DVL2: variants seen among roughly 807,000 people sequenced by gnomAD.
DVL2 encodes dishevelled segment polarity protein 2.
Under a neutral mutation model 69.8 loss-of-function variants are expected in DVL2, and 38 were observed. The observed-to-expected ratio is 0.54, with a 90% confidence interval of 0.42 to 0.71. DVL2 has a LOEUF of 0.71. DVL2 is among the 30% of genes least tolerant of loss of function. The pLI, the probability that DVL2 is intolerant of heterozygous loss-of-function variation, is 0.00. For missense variants in DVL2, 931 were observed against 1,008.1 expected, an observed-to-expected ratio of 0.92 and a Z score of 1.04; for synonymous variants, 428 against 392.4, an observed-to-expected ratio of 1.09 and a Z score of -1.07.
At position 7,229,053 on chromosome 17, in the gene DVL2, C is replaced by T; in HGVS notation, c.958-8G>A. On this transcript the variant is annotated splice_polypyrimidine_tract_variant and splice_region_variant and intron_variant, in intron 8 of 14. Transcript: ENST00000005340. The surrounding 1 kb of genome is among the most constrained non-coding windows in gnomAD (Gnocchi z 4.4). ...AAAGTTCATGTCATTCACCTGGAAG[C>T]GACGGCAAGTGGGTCAGAGACACGG... The T allele has an allele frequency of 3.7e-6, 6 of 1,614,142 alleles. No homozygotes were observed. Among genetic ancestry groups the T allele is most frequent in the East Asian group, 4.5e-5 (2 of 44,878 alleles).
At chr17:7,230,648 G>A (rs2071528888) in intron 2 of DVL2, 80 bp downstream of exon 2, 20 of 1,464,134 alleles carry the variant, frequency 1.4e-5, no homozygotes, top group Non-Finnish European at 1.8e-5. Flanking sequence ...GCGGCCTGGG[G>A]AGGATACAGA....
intron 1 of DVL2, among the ~76,000 whole-genome samples, chr17:7,233,761 A>G (rs1035887857): frequency 6.6e-6 from 1 of 152,200 alleles, no homozygotes; most frequent in African/African-American, 2.4e-5. Context: ...CTAAACAACC[A>G]GACAATGGAT....
chr17:7,228,530 T>C (rs2071492780), intron 9 of DVL2: 1 of 186,636 alleles, frequency 5.4e-6, no homozygotes. Context: ...TACTCTAGTA[T>C]TATTTGCTAT....
At position 7,229,021 on chromosome 17, in the gene DVL2, T is replaced by C. The variant is rs1255987739; in HGVS notation, c.982A>G (p.Met328Val). ...LQVNDMNFENMSNDDAVRVLR... is the reference protein window; with the variant it reads ...LQVNDMNFENVSNDDAVRVLR... Reference sequence around the variant, plus strand: ...ACCCGCACAGCGTCATCGTTGCTCATGTTCTCAAAGTTCATGTCATTCACC... The same window carrying C: ...ACCCGCACAGCGTCATCGTTGCTCACGTTCTCAAAGTTCATGTCATTCACC... Residue 328 changes from methionine (M) to valine (V), a missense_variant, in exon 9 of 15, where the codon ATG (methionine) becomes GTG (valine). Physicochemically the swap from Met to Val is conservative, Grantham distance 21. Coordinates refer to ENST00000005340, the MANE Select transcript of DVL2 (RefSeq NM_004422.3). The surrounding 1 kb of genome is among the most constrained non-coding windows in gnomAD (Gnocchi z 4.4). 2 of 1,614,188 alleles carry C rather than the reference T, an allele frequency of 1.2e-6. No individual in the cohort carries two copies. The highest frequency in any genetic ancestry group is 1.1e-5 in the South Asian group (1 of 91,086).
At position 7,229,137 on chromosome 17, in the gene DVL2, G is replaced by A; in HGVS notation, c.955C>T (p.Gln319Ter). ...TCAGTGGCCCTACCCCAGCACACCT[G>A]CAAAAGCATGTCCCCTGGCTCAATG... ...GRIEPGDMLL[Q>*]VNDMNFENMS... The change falls in exon 8 of 15, where the codon CAG becomes TAG. Residue 319 changes from glutamine (Q) to a stop codon, truncating the protein, a stop_gained and splice_region_variant. Coordinates refer to ENST00000005340, the MANE Select transcript of DVL2 (RefSeq NM_004422.3). LOFTEE classifies it high-confidence loss of function. This position sits in a 1 kb window ranked among gnomAD's most constrained non-coding sequence, Gnocchi z 4.4. 2 of 1,613,990 alleles carry A rather than the reference G, an allele frequency of 1.2e-6. No homozygotes were observed. The highest frequency in any genetic ancestry group is 1.7e-6 in the Non-Finnish European group (2 of 1,179,886).
rs200445258 is a variant in DVL2 at position 7,226,182 on chromosome 17, G to A, written c.1894C>T (p.Arg632Trp). The A allele has an allele frequency of 7.0e-5, 113 of 1,612,206 alleles. No homozygotes were observed. The highest frequency in any genetic ancestry group is 2.5e-4 in the East Asian group (11 of 44,862). ...SEPSSRGGSLRRGGEASGTSD... is the reference protein window; with the variant it reads ...SEPSSRGGSLWRGGEASGTSD... The stretch of plus-strand genomic sequence containing the variant: ...GTCCCACTTGCTTCCCCACCCCGCC[G>A]AAGGCTGCCCCCTCGGCTGGAGGGC... Residue 632 changes from arginine (R) to tryptophan (W), a missense_variant, in exon 15 of 15, where the codon CGG becomes TGG. Arg to Trp is a moderately radical substitution (Grantham distance 101, BLOSUM62 -3). Around this residue, in one of 3 missense-constraint regions of DVL2, gnomAD observed 314 missense variants for 313.7 expected, o/e 1.00. Coordinates refer to ENST00000005340, the MANE Select transcript of DVL2 (RefSeq NM_004422.3).
intron 1 of DVL2, chr17:7,233,799 T>TC (rs1357864790): frequency 2.0e-5 from 11 of 542,936 alleles, no homozygotes; most frequent in African/African-American, 1.7e-4. Context: ...ACTAGAATAC[T>TC]CCAACATAAA....
chr17:7,227,915 G>T, intron 10 of DVL2, 62 bp downstream of exon 10: 3 of 1,569,696 alleles, frequency 1.9e-6, no homozygotes, highest in Non-Finnish European at 2.6e-6. Context: ...CCACAGGCCC[G>T]GCCCCAGCCT....
rs140761538 is a variant in DVL2, at chr17:7,229,888, G to A, written c.576C>T (p.Tyr192=). Residue 192 remains tyrosine (Y), a synonymous_variant, in exon 5 of 15, where the codon TAC becomes TAT. Coordinates refer to ENST00000005340, the MANE Select transcript of DVL2 (RefSeq NM_004422.3). This position sits in a 1 kb window ranked among gnomAD's most constrained non-coding sequence, Gnocchi z 4.4. ...PSRLERHLAG[Y]ESSSTLMTSE... ...TGGTCATGAGGGTAGAGGAGCTCTC[G>A]TATCCGGCCAGGTGGCGCTCCAGCC... is the stretch of plus-strand genomic sequence containing the variant. 10 of 1,610,728 alleles carry A rather than the reference G, an allele frequency of 6.2e-6. No individual in the cohort carries two copies. The East Asian group carries it at 6.7e-5, about 11-fold the overall frequency.
At chr17:7,230,566 G>C in intron 2 of DVL2, 136 bp from the exon 3 acceptor site, 1 of 1,367,514 alleles carries the variant, frequency 7.3e-7, no homozygotes, top group African/African-American at 1.5e-5. Flanking sequence ...AGAGACTCCA[G>C]AAGGAGAAGG....
In DVL2 at chr17:7,229,153, T is replaced by C. The variant is rs575949608; in HGVS notation, c.939A>G (p.Pro313=). 5.0e-6 allele frequency: 8 copies of C among 1,614,166 alleles called. No individual in the cohort carries two copies. In the East Asian group the frequency reaches 1.3e-4, roughly 27 times the overall value. The change falls in exon 8 of 15, where the codon CCA becomes CCG. Residue 313 remains proline (P), a synonymous_variant. Transcript: ENST00000005340. The surrounding 1 kb of genome is among the most constrained non-coding windows in gnomAD (Gnocchi z 4.4). ...AGCACACCTGCAAAAGCATGTCCCC[T>C]GGCTCAATGCGCCCGTCGGCCGCCA... is the stretch of plus-strand genomic sequence containing the variant. ...GAVAADGRIE[P]GDMLLQVNDM...
intron 11 of DVL2, 53 bp from the exon 12 acceptor site, chr17:7,227,588 A>AATGGATCAG (rs2071477306): frequency 1.2e-6 from 2 of 1,613,390 alleles, no homozygotes; most frequent in African/African-American, 1.3e-5. Context: ...CCACAAGGGC[A>AATGGATCAG]ATGGATCAGA....
At position 7,234,308 on chromosome 17, in the gene DVL2, T is replaced by A. The variant is rs377256967; in HGVS notation, c.-46A>T. 96 of 1,574,702 alleles carry A rather than the reference T, an allele frequency of 6.1e-5. No homozygotes were observed. Among genetic ancestry groups the A allele is most frequent in the Non-Finnish European group, 7.8e-5 (90 of 1,160,818 alleles). On this transcript the variant is annotated 5_prime_UTR_variant, in exon 1 of 15. Coordinates refer to ENST00000005340, the MANE Select transcript of DVL2 (RefSeq NM_004422.3). Reference sequence around the variant, plus strand: ...GGGCTCCACCGCCCACCCAAAGGGCTAATGGCCCCTGCCGCGCCTGCGCAC... The same window carrying A: ...GGGCTCCACCGCCCACCCAAAGGGCAAATGGCCCCTGCCGCGCCTGCGCAC...
At chr17:7,226,848 C>A in intron 13 of DVL2, 1 of 626,194 alleles carries the variant, frequency 1.6e-6, no homozygotes, top group Non-Finnish European at 2.7e-6. Flanking sequence ...CTTTGCGGGA[C>A]TCAGGTAAGA....
At position 7,226,094 on chromosome 17, in the gene DVL2, T is replaced by G. The variant is rs2071440407; in HGVS notation, c.1982A>C (p.His661Pro). ...CGGTCCATAGGGATGGAGCCCTGGG[T>G]GGGCTCGGAGATTAGGGGCACCCCC... ...STGGAPNLRA[H>P]PGLHPYGPPP... The change falls in exon 15 of 15, where the codon CAC becomes CCC. Residue 661 changes from histidine to proline, a missense_variant. By Grantham distance (77) the His-to-Pro change is moderately conservative. This residue lies in a region of DVL2 where 314 missense variants were observed against 313.7 expected (regional missense o/e 1.00). Coordinates refer to ENST00000005340, the MANE Select transcript of DVL2 (RefSeq NM_004422.3). 1 of 1,593,910 alleles carries G rather than the reference T, an allele frequency of 6.3e-7. No homozygotes were observed. The highest frequency in any genetic ancestry group is 8.6e-7 in the Non-Finnish European group (1 of 1,168,696).
At position 7,225,467 on chromosome 17, in the gene DVL2, G is replaced by C. The variant is rs557641177; in HGVS notation, c.*398C>G. ...GCTGCTGTCTAGGATGCCTAACCCC[G>C]GGGTACCGCTGACCACCCCCAACCC... is the stretch of plus-strand genomic sequence containing the variant. On this transcript the variant is annotated 3_prime_UTR_variant, in exon 15 of 15. Coordinates refer to ENST00000005340, the MANE Select transcript of DVL2 (RefSeq NM_004422.3). The C allele has an allele frequency of 4.7e-6, 2 of 429,992 alleles. No individual in the cohort carries two copies. The highest frequency in any genetic ancestry group is 2.0e-5 in the African/African-American group (1 of 49,878). 26.6% of individuals were successfully genotyped at this position (429,992 alleles called of 1,614,324 possible).
Position 7,229,041 on chromosome 17 carries a change from T to C in DVL2, c.962A>G (p.Asn321Ser). 1 of 1,614,146 alleles carries C rather than the reference T, an allele frequency of 6.2e-7. No individual in the cohort carries two copies. The highest frequency in any genetic ancestry group is 1.1e-5 in the South Asian group (1 of 91,080). The stretch of plus-strand genomic sequence containing the variant: ...GCTCATGTTCTCAAAGTTCATGTCA[T>C]TCACCTGGAAGCGACGGCAAGTGGG... Reference protein sequence around the residue: ...IEPGDMLLQVNDMNFENMSND... With the variant: ...IEPGDMLLQVSDMNFENMSND... The change falls in exon 9 of 15, where the codon AAT becomes AGT. Residue 321 changes from asparagine (N) to serine (S), a missense_variant. Transcript: ENST00000005340. The surrounding 1 kb of genome is among the most constrained non-coding windows in gnomAD (Gnocchi z 4.4).
In DVL2 at chr17:7,227,766, T is replaced by C. The variant is rs199761996; in HGVS notation, c.1120A>G (p.Ile374Val). The C allele has an allele frequency of 1.6e-5, 26 of 1,582,098 alleles. No individual in the cohort carries two copies. The highest frequency in any genetic ancestry group is 2.7e-5 in the African/African-American group (2 of 74,120). ...TGGGACACCCAGGCAGCAGGGTCAA[T>C]TGGCTGGATGGGCTCATCTGGGACA... The part of the protein sequence containing the change: ...TLPRNEPIQP[I>V]DPAAWVSHSA... The change falls in exon 11 of 15, where the codon ATT (isoleucine) becomes GTT (valine). Residue 374 changes from isoleucine (I) to valine (V), a missense_variant. Coordinates refer to ENST00000005340, the MANE Select transcript of DVL2 (RefSeq NM_004422.3).
Position 7,229,320 on chromosome 17 carries a change from G to A in DVL2, c.818-46C>T, listed in dbSNP as rs745682012. ...AAAAGAGGAGCCCCTGCCACAGGAC[G>A]CCCGGAACCCTAGAGACCAGGCCCT... On this transcript the variant is annotated intron_variant, in intron 7 of 14. Transcript: ENST00000005340. The surrounding 1 kb of genome is among the most constrained non-coding windows in gnomAD (Gnocchi z 4.4). The A allele has an allele frequency of 8.1e-6, 13 of 1,613,020 alleles. No individual in the cohort carries two copies. The highest frequency in any genetic ancestry group is 5.3e-5 in the African/African-American group (4 of 74,830).
Sources: allele counts gnomAD v4.1 joint callset (sites outside exome capture counted in the v4.1 genomes callset), GRCh38; gene constraint gnomAD v4.1.1; regional missense constraint gnomAD v4.1.1; non-coding constraint Gnocchi (gnomAD v3.1); transcripts MANE v1.5; gene names NCBI Gene and HGNC (gene_info 2026-07-23, HGNC 2026-07-21).